COL12A1: variants seen among roughly 807,000 people sequenced by gnomAD.
The protein encoded by COL12A1 is collagen type XII alpha 1 chain.
Under a neutral mutation model 349.7 loss-of-function variants are expected in COL12A1, and 114 were observed. The observed-to-expected ratio is 0.33, with a 90% CI of 0.28 to 0.38. The LOEUF (loss-of-function observed/expected upper bound fraction) is 0.38. COL12A1 is among the 10% of genes least tolerant of loss of function. The probability of loss-of-function intolerance (pLI) is 1.00; values close to 1 mark genes in which losing one functional copy is unlikely to be tolerated. For synonymous variants in COL12A1, 1,369 were observed against 1,329.0 expected (o/e 1.03, Z -0.66); for missense variants, 3,284 against 3,756.9 (o/e 0.87, Z 3.29).
chr6:75,136,624 G>A (rs1462270249), intron 31 of COL12A1, among the ~76,000 whole-genome samples: 1 of 152,128 alleles, frequency 6.6e-6, no homozygotes, highest in Non-Finnish European at 1.5e-5. Flanking sequence ...AAATATTCTA[G>A]CCAAAAAAGT....
chr6:75,187,510 T>C (rs2149472664), intron 8 of COL12A1, among the ~76,000 whole-genome samples: 1 of 152,100 alleles, frequency 6.6e-6, no homozygotes, highest in Non-Finnish European at 1.5e-5. Flanking sequence ...GTGAGTGAGA[T>C]GGATTTTATA....
At chr6:75,182,198 T>C (rs891136186) in intron 10 of COL12A1, among the ~76,000 whole-genome samples, 1 of 152,134 alleles carries the variant, frequency 6.6e-6, no homozygotes, top group East Asian at 1.9e-4. Flanking sequence ...GAAGGCTTAA[T>C]GAAAAGGATG....
chr6:75,179,137 G>C (rs1427480116), intron 11 of COL12A1, among the ~76,000 whole-genome samples: 4 of 152,170 alleles, frequency 2.6e-5, no homozygotes. Flanking sequence ...CTCTGTAATT[G>C]TTAGCTTAAT....
chr6:75,102,233 C>T (rs181671048), intron 56 of COL12A1, among the ~76,000 whole-genome samples, 181 bp from the exon 57 acceptor site: 89 of 152,334 alleles, frequency 5.8e-4, no homozygotes, highest in Non-Finnish European at 7.3e-4. Context: ...AATGCTCACT[C>T]TTTAAACTAC....
intron 21 of COL12A1, 63 bp downstream of exon 21, chr6:75,151,078 G>GTCA: frequency 6.4e-6 from 1 of 156,642 alleles, no homozygotes. Flanking sequence ...CCACCCAAAA[G>GTCA]AATAATTATT....
chr6:75,168,393 G>C (rs1338597345), intron 13 of COL12A1, among the ~76,000 whole-genome samples: 1 of 152,170 alleles, frequency 6.6e-6, no homozygotes, highest in Non-Finnish European at 1.5e-5. Context: ...TGAAGCAAGT[G>C]GATTGCGCCC....
chr6:75,175,068 C>T lies in COL12A1; in HGVS notation c.2680G>A (p.Ala894Thr), dbSNP rs1415214085. The change falls in exon 13 of 66, where the codon GCC (alanine) becomes ACC (threonine). Residue 894 changes from alanine to threonine, a missense_variant. Physicochemically the swap from Ala to Thr is moderately conservative, Grantham distance 58. Coordinates refer to ENST00000322507, the MANE Select transcript of COL12A1 (RefSeq NM_004370.6). Reference protein sequence around the residue: ...TALYASGAGDALFGEGTTLEE... With the variant: ...TALYASGAGDTLFGEGTTLEE... Reference sequence around the variant, plus strand: ...AGTGTTGTTCCTTCACCAAAGAGGGCGTCTCCAGCCCCAGACGCATACAAG... The same window carrying T: ...AGTGTTGTTCCTTCACCAAAGAGGGTGTCTCCAGCCCCAGACGCATACAAG... The T allele has an allele frequency of 6.2e-6, 10 of 1,613,958 alleles. No homozygotes were observed. The highest frequency in any genetic ancestry group is 2.2e-5 in the East Asian group (1 of 44,884).
Position 75,177,706 on chromosome 6 carries a change from T to G in COL12A1, c.2394A>C (p.Ser798=), listed in dbSNP as rs372999439. 66 of 1,614,052 alleles carry G rather than the reference T, an allele frequency of 4.1e-5. No individual in the cohort carries two copies. The highest frequency in any genetic ancestry group is 5.5e-5 in the Non-Finnish European group (65 of 1,180,026). ...TTCCAGTTAATGGAGTACCAGGTCC[T>G]GAGAAATATTCAGGAATTACAGATA... is the stretch of plus-strand genomic sequence containing the variant. ...YEVSVIPEYF[S]GPGTPLTGNA... Residue 798 remains serine, a synonymous_variant, in exon 12 of 66, where the codon TCA becomes TCC. Transcript: ENST00000322507.
At chr6:75,175,343 C>A in intron 12 of COL12A1, 33 bp from the exon 13 acceptor site, 1 of 1,589,482 alleles carries the variant, frequency 6.3e-7, no homozygotes, top group Admixed American at 1.8e-5. Flanking sequence ...CATCAAAACC[C>A]ATTATTTAAA....
chr6:75,199,666 T>G (rs1182486591), intron 2 of COL12A1, among the ~76,000 whole-genome samples: 4 of 152,146 alleles, frequency 2.6e-5, no homozygotes, highest in African/African-American at 9.7e-5. Flanking sequence ...CAAAAATAAT[T>G]CATACATTCT....
At position 75,123,971 on chromosome 6, in the gene COL12A1, C is replaced by T. The variant is rs77094372; in HGVS notation, c.6848G>A (p.Gly2283Glu). 2.1e-3 allele frequency: 3,404 copies of T among 1,613,300 alleles called. 51 individuals carry two copies. In the African/African-American group the frequency reaches 0.037, roughly 17 times the overall value. ...ACTGGTATGTTCTTTAACAGAGACTCCTGGTCCCTCGAGATTTGGTGTCTG... is the reference window on the plus strand; with the variant it reads ...ACTGGTATGTTCTTTAACAGAGACTTCTGGTCCCTCGAGATTTGGTGTCTG... ...FVQTPNLEGPGVSVKEHTTVK... is the reference protein window; with the variant it reads ...FVQTPNLEGPEVSVKEHTTVK... Residue 2283 changes from glycine (G) to glutamate (E), a missense_variant, in exon 42 of 66, where the codon GGA (glycine) becomes GAA (glutamate). Coordinates refer to ENST00000322507, the MANE Select transcript of COL12A1 (RefSeq NM_004370.6).
At chr6:75,117,651 ATG>A in intron 46 of COL12A1, 105 bp from the exon 47 acceptor site, 1 of 1,226,526 alleles carries the variant, frequency 8.2e-7, no homozygotes, top group Non-Finnish European at 1.1e-6. Flanking sequence ...TATTTTCTTA[ATG>A]TATGCAGCAA....
intron 64 of COL12A1, among the ~76,000 whole-genome samples, chr6:75,088,591 AT>A (rs1312353020): frequency 2.6e-5 from 4 of 152,184 alleles, no homozygotes; most frequent in Non-Finnish European, 5.9e-5. Context: ...GTTATAGTTA[AT>A]GCCTAATAGA....
chr6:75,117,681 G>T, intron 46 of COL12A1, 135 bp from the exon 47 acceptor site: 1 of 792,178 alleles, frequency 1.3e-6, no homozygotes, highest in Non-Finnish European at 1.9e-6. Flanking sequence ...TACTTGACGT[G>T]AACTCTCTTT....
chr6:75,163,927 A>C (rs1768149296), intron 14 of COL12A1, among the ~76,000 whole-genome samples: 1 of 152,176 alleles, frequency 6.6e-6, no homozygotes, highest in Admixed American at 6.6e-5. Flanking sequence ...ATCCCTCTAA[A>C]TACATATACT....
chr6:75,131,835 T>C (rs1194865336), intron 35 of COL12A1, 105 bp downstream of exon 35: 2 of 1,240,766 alleles, frequency 1.6e-6, no homozygotes, highest in African/African-American at 1.5e-5. Flanking sequence ...TTAAGTATTA[T>C]ACACTGGCAT....
intron 59 of COL12A1, among the ~76,000 whole-genome samples, chr6:75,095,856 G>A (rs955358822): frequency 6.6e-6 from 1 of 152,070 alleles, no homozygotes; most frequent in Non-Finnish European, 1.5e-5. Flanking sequence ...CCTACTACAA[G>A]ACCAGACAAT....
chr6:75,094,329 T>A (rs1390654460), intron 60 of COL12A1, among the ~76,000 whole-genome samples: 1 of 152,010 alleles, frequency 6.6e-6, no homozygotes, highest in Non-Finnish European at 1.5e-5. Context: ...GTCTTTAAGA[T>A]AAATTTTTAT....
At chr6:75,119,225 G>C (rs749844590) in intron 45 of COL12A1, 39 bp from the exon 46 acceptor site, 68 of 1,613,364 alleles carry the variant, frequency 4.2e-5, no homozygotes, top group Non-Finnish European at 5.8e-5. Context: ...TGTCACTTCA[G>C]TGAAAACTAC....
Sources: gnomAD v4.1 joint callset for allele counts (sites outside exome capture counted in the v4.1 genomes callset) on GRCh38, gnomAD v4.1.1 for gene constraint, MANE v1.5 for transcripts, NCBI Gene and HGNC (gene_info 2026-07-23, HGNC 2026-07-21) for gene names.